Variants in NOPCHAP1 observed in about 807,000 individuals in gnomAD.
NOPCHAP1 encodes DNA damage-sensitive RNA 1.
A neutral mutation model predicts 14.0 loss-of-function variants in NOPCHAP1; 13 were observed. The ratio of observed to expected loss-of-function variants is 0.93; its 90% CI spans 0.60 to 1.47. The LOEUF is 1.47. NOPCHAP1 is among the 40% of genes most tolerant of loss of function. The pLI is 0.00. For missense variants in NOPCHAP1, 230 were observed against 226.9 expected, an observed-to-expected ratio of 1.01 and a Z score of -0.09; for synonymous variants, 78 against 78.4, an observed-to-expected ratio of 1.00 and a Z score of 0.03.
At position 105,000,076 on chromosome 12, in the gene NOPCHAP1, A is replaced by T. The variant is rs1033063829; in HGVS notation, c.*5380A>T. The T allele has an allele frequency of 6.6e-6, 1 of 152,120 alleles. No homozygotes were observed. The allele number at this position is 152,120 out of a possible 1,614,324, so 9.4% of individuals were successfully genotyped here. ...GTATAACCACATTTAGTGGAAAAGC[A>T]CCTTACTATATTTAATCCAATGACA... On this transcript the variant is annotated 3_prime_UTR_variant, in exon 4 of 4. Transcript: ENST00000552951.
In NOPCHAP1 at chr12:105,003,530, T is replaced by G. The variant is rs1316093402; in HGVS notation, c.*8834T>G. ...TCTGAAAGGGAAATCACACACAACCTCCAGTTGCTGTGAGAGAGGAATGGT... is the reference window on the plus strand; with the variant it reads ...TCTGAAAGGGAAATCACACACAACCGCCAGTTGCTGTGAGAGAGGAATGGT... On this transcript the variant is annotated 3_prime_UTR_variant, in exon 4 of 4. Transcript: ENST00000552951. 6.6e-6 allele frequency: 1 copy of G among 152,230 alleles called. No homozygotes were observed. Among genetic ancestry groups the G allele is most frequent in the African/African-American group, 2.4e-5 (1 of 41,456 alleles). The allele number at this position is 152,230 out of a possible 1,614,324, so 9.4% of individuals were successfully genotyped here. A position where few individuals can be genotyped will look rare whatever the true frequency, so the allele number is the denominator to read the frequency against.
rs1308095758 is a variant in NOPCHAP1, at chr12:105,007,924, G to T, written c.*13228G>T. 2.0e-5 allele frequency: 3 copies of T among 152,164 alleles called. No individual in the cohort carries two copies. The highest frequency in any genetic ancestry group is 2.0e-4 in the Admixed American group (3 of 15,284). The allele number at this position is 152,164 out of a possible 1,614,324, so 9.4% of individuals were successfully genotyped here. A position where few individuals can be genotyped will look rare whatever the true frequency, so the allele number is the denominator to read the frequency against. On this transcript the variant is annotated 3_prime_UTR_variant, in exon 4 of 4. Transcript: ENST00000552951. ...TCTATCACTGATGGGCATTTGGGTT[G>T]GTTCCAAGTCTTTGCTATTGTGAGC... is the stretch of plus-strand genomic sequence containing the variant.
chr12:104,991,446 G>A (rs1185725849), intron 2 of NOPCHAP1, among the ~76,000 whole-genome samples: 1 of 152,130 alleles, frequency 6.6e-6, no homozygotes, highest in African/African-American at 2.4e-5. Flanking sequence ...TCCCTATTTA[G>A]TTACTATTTG....
Position 105,004,770 on chromosome 12 carries a change from C to A in NOPCHAP1, c.*10074C>A, listed in dbSNP as rs1229539737. The A allele has an allele frequency of 6.6e-6, 1 of 152,102 alleles. No individual in the cohort carries two copies. The allele number at this position is 152,102 out of a possible 1,614,324, so 9.4% of individuals were successfully genotyped here. On this transcript the variant is annotated 3_prime_UTR_variant, in exon 4 of 4. Transcript: ENST00000552951. ...AACAATGCAGGAGTTAGGGTGCTGACCCCCTTTGTGGTCAAAAATCTATGT... is the reference window on the plus strand; with the variant it reads ...AACAATGCAGGAGTTAGGGTGCTGAACCCCTTTGTGGTCAAAAATCTATGT...
chr12:104,994,822 C>G lies in NOPCHAP1; in HGVS notation c.*126C>G. 2.4e-6 allele frequency: 2 copies of G among 821,866 alleles called. No individual in the cohort carries two copies. Among genetic ancestry groups the G allele is most frequent in the South Asian group, 3.2e-5 (2 of 63,262 alleles). The allele number at this position is 821,866 out of a possible 1,614,324, so 50.9% of individuals were successfully genotyped here. ...GCTTTTATATGTTAAAAACTTTAGACAAGTTAAATTTGACAGAGTTTCTTT... is the reference window on the plus strand; with the variant it reads ...GCTTTTATATGTTAAAAACTTTAGAGAAGTTAAATTTGACAGAGTTTCTTT... On this transcript the variant is annotated 3_prime_UTR_variant, in exon 4 of 4. Transcript: ENST00000552951.
At position 105,010,444 on chromosome 12, in the gene NOPCHAP1, T is replaced by C. The variant is rs1873796263; in HGVS notation, c.*15748T>C. On this transcript the variant is annotated 3_prime_UTR_variant, in exon 4 of 4. Coordinates refer to ENST00000552951, the MANE Select transcript of NOPCHAP1 (RefSeq NM_152318.3). ...AAAACCAGCTCCTGGATTCGTGGAT[T>C]TTTTGAAGGGTTTTTTGTGTCTCTA... 1 of 152,196 alleles carries C rather than the reference T, an allele frequency of 6.6e-6. No homozygotes were observed. Among genetic ancestry groups the C allele is most frequent in the Non-Finnish European group, 1.5e-5 (1 of 68,040 alleles). 9.4% of individuals were successfully genotyped at this position (152,196 alleles called of 1,614,324 possible). A position where few individuals can be genotyped will look rare whatever the true frequency, so the allele number is the denominator to read the frequency against.
chr12:104,989,346 A>G (rs1873323780), intron 2 of NOPCHAP1, among the ~76,000 whole-genome samples: 1 of 152,170 alleles, frequency 6.6e-6, no homozygotes, highest in Non-Finnish European at 1.5e-5. Context: ...TGTGTCTGAG[A>G]AAGTATTTTG....
intron 2 of NOPCHAP1, among the ~76,000 whole-genome samples, chr12:104,990,201 G>A (rs1433426876): frequency 6.6e-6 from 1 of 152,046 alleles, no homozygotes; most frequent in African/African-American, 2.4e-5. Context: ...GAAGAACCAC[G>A]ACTGGACTAG....
Position 105,000,832 on chromosome 12 carries a change from T to TTAAG in NOPCHAP1, c.*6137_*6140dup, listed in dbSNP as rs1388587133. The TTAAG allele has an allele frequency of 1.3e-5, 2 of 151,972 alleles. No homozygotes were observed. The highest frequency in any genetic ancestry group is 4.8e-5 in the African/African-American group (2 of 41,354). The allele number at this position is 151,972 out of a possible 1,614,324, so 9.4% of individuals were successfully genotyped here. On this transcript the variant is annotated 3_prime_UTR_variant, in exon 4 of 4. Coordinates refer to ENST00000552951, the MANE Select transcript of NOPCHAP1 (RefSeq NM_152318.3). ...TGAAAATATACTTTGGCATAATACA[T>TTAAG]TAAGGCCTTGCAGTATTTAGTCATG...
intron 3 of NOPCHAP1, 116 bp from the exon 4 acceptor site, chr12:104,994,362 T>A (rs2136027385): frequency 9.6e-7 from 1 of 1,040,476 alleles, no homozygotes. Context: ...AAAACCAAAT[T>A]CTTATCCTTT....
rs1459401192 is a variant in NOPCHAP1, at chr12:105,017,520, A to T, written c.*22824A>T. On this transcript the variant is annotated 3_prime_UTR_variant, in exon 4 of 4. Coordinates refer to ENST00000552951, the MANE Select transcript of NOPCHAP1 (RefSeq NM_152318.3). The stretch of plus-strand genomic sequence containing the variant: ...TCTCAAAAAAAAAAAAAAAAAAAAA[A>T]ATGTAAGAAAAGAGGTTGAGTCTTA... 3 of 146,466 alleles carry T rather than the reference A, an allele frequency of 2.0e-5. No individual in the cohort carries two copies. The highest frequency in any genetic ancestry group is 7.8e-5 in the African/African-American group (3 of 38,640). 9.1% of individuals were successfully genotyped at this position (146,466 alleles called of 1,614,324 possible). A position where few individuals can be genotyped will look rare whatever the true frequency, so the allele number is the denominator to read the frequency against.
In NOPCHAP1 at chr12:105,013,951, G is replaced by C. The variant is rs1357341263; in HGVS notation, c.*19255G>C. On this transcript the variant is annotated 3_prime_UTR_variant, in exon 4 of 4. Coordinates refer to ENST00000552951, the MANE Select transcript of NOPCHAP1 (RefSeq NM_152318.3). Reference sequence around the variant, plus strand: ...TGATCTCGCTGGGAGCTGCAGACCGGAGTTGTTCCTATTTGGCCATCTTGC... The same window carrying C: ...TGATCTCGCTGGGAGCTGCAGACCGCAGTTGTTCCTATTTGGCCATCTTGC... 6.6e-6 allele frequency: 1 copy of C among 152,172 alleles called. No individual in the cohort carries two copies. The highest frequency in any genetic ancestry group is 1.5e-5 in the Non-Finnish European group (1 of 68,136). The allele number at this position is 152,172 out of a possible 1,614,324, so 9.4% of individuals were successfully genotyped here.
rs1034949095 is a variant in NOPCHAP1, at chr12:105,006,899, G to A, written c.*12203G>A. On this transcript the variant is annotated 3_prime_UTR_variant, in exon 4 of 4. Coordinates refer to ENST00000552951, the MANE Select transcript of NOPCHAP1 (RefSeq NM_152318.3). ...GTGGCATTTTTTTTTTCCAGATGAGGGTACTTCTGTTTGTATTTAAAACCT... is the reference window on the plus strand; with the variant it reads ...GTGGCATTTTTTTTTTCCAGATGAGAGTACTTCTGTTTGTATTTAAAACCT... The A allele has an allele frequency of 4.6e-5, 7 of 151,520 alleles. No homozygotes were observed. Among genetic ancestry groups the A allele is most frequent in the Non-Finnish European group, 8.8e-5 (6 of 67,908 alleles). The allele number at this position is 151,520 out of a possible 1,614,324, so 9.4% of individuals were successfully genotyped here. A position where few individuals can be genotyped will look rare whatever the true frequency, so the allele number is the denominator to read the frequency against.
chr12:105,016,168 T>C lies in NOPCHAP1; in HGVS notation c.*21472T>C, dbSNP rs894694115. 2.6e-5 allele frequency: 4 copies of C among 152,174 alleles called. No homozygotes were observed. Among genetic ancestry groups the C allele is most frequent in the African/African-American group, 9.7e-5 (4 of 41,442 alleles). The allele number at this position is 152,174 out of a possible 1,614,324, so 9.4% of individuals were successfully genotyped here. On this transcript the variant is annotated 3_prime_UTR_variant, in exon 4 of 4. Coordinates refer to ENST00000552951, the MANE Select transcript of NOPCHAP1 (RefSeq NM_152318.3). ...GTGTCATTAATATATCATGGGCTTT[T>C]ACATTTTAGAAAAAAATGACGGATA... is the stretch of plus-strand genomic sequence containing the variant.
chr12:105,005,577 C>T lies in NOPCHAP1; in HGVS notation c.*10881C>T, dbSNP rs2136031277. On this transcript the variant is annotated 3_prime_UTR_variant, in exon 4 of 4. Transcript: ENST00000552951. ...GGCTTGTGACCAGTCTGATTGGTTGCAGGAGGGGACCAGAAGTACTTGCCA... is the reference window on the plus strand; with the variant it reads ...GGCTTGTGACCAGTCTGATTGGTTGTAGGAGGGGACCAGAAGTACTTGCCA... 6.6e-6 allele frequency: 1 copy of T among 152,336 alleles called. No homozygotes were observed. Among genetic ancestry groups the T allele is most frequent in the Admixed American group, 6.5e-5 (1 of 15,296 alleles). The allele number at this position is 152,336 out of a possible 1,614,324, so 9.4% of individuals were successfully genotyped here.
At chr12:104,989,869 A>G (rs1000268560) in intron 2 of NOPCHAP1, among the ~76,000 whole-genome samples, 1 of 152,028 alleles carries the variant, frequency 6.6e-6, no homozygotes, top group African/African-American at 2.4e-5. Flanking sequence ...ATTCTTCTAT[A>G]TTGTCTAATC....
Position 105,009,618 on chromosome 12 carries a change from A to G in NOPCHAP1, c.*14922A>G, listed in dbSNP as rs559741911. On this transcript the variant is annotated 3_prime_UTR_variant, in exon 4 of 4. Coordinates refer to ENST00000552951, the MANE Select transcript of NOPCHAP1 (RefSeq NM_152318.3). ...TGTGGGTTTGTCATAAAAAGCTCCT[A>G]TTGTTTTGAAATATGTTCCATCAGT... 1.3e-5 allele frequency: 2 copies of G among 152,192 alleles called. No individual in the cohort carries two copies. The highest frequency in any genetic ancestry group is 3.9e-4 in the East Asian group (2 of 5,184). 9.4% of individuals were successfully genotyped at this position (152,192 alleles called of 1,614,324 possible). A position where few individuals can be genotyped will look rare whatever the true frequency, so the allele number is the denominator to read the frequency against.
In NOPCHAP1 at chr12:104,994,791, T is replaced by A; in HGVS notation, c.*95T>A. ...CGGGTTCTTTTGCTTTTCAGGCACC[T>A]ATGGTGCTTTTATATGTTAAAAACT... On this transcript the variant is annotated 3_prime_UTR_variant, in exon 4 of 4. Transcript: ENST00000552951. The A allele has an allele frequency of 9.1e-7, 1 of 1,099,786 alleles. No individual in the cohort carries two copies. The highest frequency in any genetic ancestry group is 1.3e-6 in the Non-Finnish European group (1 of 748,916). The allele number at this position is 1,099,786 out of a possible 1,614,324, so 68.1% of individuals were successfully genotyped here. A position where few individuals can be genotyped will look rare whatever the true frequency, so the allele number is the denominator to read the frequency against.
rs1229667426 is a variant in NOPCHAP1 at position 104,995,484 on chromosome 12, G to C, written c.*788G>C. The C allele has an allele frequency of 6.6e-6, 1 of 152,136 alleles. No individual in the cohort carries two copies. Among genetic ancestry groups the C allele is most frequent in the Non-Finnish European group, 1.5e-5 (1 of 68,032 alleles). 9.4% of individuals were successfully genotyped at this position (152,136 alleles called of 1,614,324 possible). ...AACATGAGCAAAGAGGAGATCTAAG[G>C]CTGCATGATATCCCATTAAGTGCTT... On this transcript the variant is annotated 3_prime_UTR_variant, in exon 4 of 4. Coordinates refer to ENST00000552951, the MANE Select transcript of NOPCHAP1 (RefSeq NM_152318.3).
Sources: allele counts gnomAD v4.1 joint callset (sites outside exome capture counted in the v4.1 genomes callset), GRCh38; gene constraint gnomAD v4.1.1; transcripts MANE v1.5; gene names NCBI Gene and HGNC (gene_info 2026-07-23, HGNC 2026-07-21).